Variants in PMEPA1 observed in about 807,000 individuals in gnomAD.
PMEPA1 encodes prostate transmembrane protein, androgen induced 1.
A neutral mutation model predicts 23.0 loss-of-function variants in PMEPA1; 11 were observed. The ratio of observed to expected loss-of-function variants is 0.48; its 90% CI spans 0.30 to 0.79. PMEPA1 has a LOEUF of 0.79. Among genes scored for constraint, PMEPA1 ranks in the 30% least tolerant of loss-of-function variants. The pLI, the probability that PMEPA1 is intolerant of heterozygous loss-of-function variation, is 0.06. For synonymous variants in PMEPA1, 204 were observed against 166.4 expected (o/e 1.23, Z -1.74); for missense variants, 377 against 390.9 (o/e 0.96, Z 0.30).
intron 2 of PMEPA1, among the ~76,000 whole-genome samples, chr20:57,654,454 C>T (rs2071297777): frequency 6.6e-6 from 1 of 152,036 alleles, no homozygotes; most frequent in Non-Finnish European, 1.5e-5. Context: ...CCCATATGGC[C>T]ACTAGGAGGC....
chr20:57,685,607 G>A (rs1445747035), intron 1 of PMEPA1, among the ~76,000 whole-genome samples: 1 of 152,160 alleles, frequency 6.6e-6, no homozygotes, highest in Non-Finnish European at 1.5e-5. Context: ...TGGCTGGGGG[G>A]AGGGGGCTGG....
chr20:57,695,127 G>A (rs1327249261), intron 1 of PMEPA1, among the ~76,000 whole-genome samples: 4 of 152,258 alleles, frequency 2.6e-5, no homozygotes, highest in Non-Finnish European at 4.4e-5. Context: ...GGCGTTTGCC[G>A]CCTCTGAGTA....
upstream of PMEPA1, chr20:57,711,155 T>G (rs1394449060): frequency 6.6e-6 from 1 of 152,190 alleles, no homozygotes; most frequent in East Asian, 1.9e-4. Flanking sequence ...ATTCTTTAAG[T>G]GTCCACATAT....
At chr20:57,696,867 G>A (rs1486759138) in intron 1 of PMEPA1, among the ~76,000 whole-genome samples, 1 of 152,224 alleles carries the variant, frequency 6.6e-6, no homozygotes, top group Non-Finnish European at 1.5e-5. Context: ...AGGCCTCTGT[G>A]CACATTTCCG....
At chr20:57,684,132 C>T (rs1053250012) in intron 1 of PMEPA1, among the ~76,000 whole-genome samples, 1 of 152,196 alleles carries the variant, frequency 6.6e-6, no homozygotes, top group Non-Finnish European at 1.5e-5. Flanking sequence ...GCTGCCCACG[C>T]CTGACTCCCC....
intron 1 of PMEPA1, among the ~76,000 whole-genome samples, chr20:57,677,974 T>A (rs2071661079): frequency 6.6e-6 from 1 of 152,222 alleles, no homozygotes; most frequent in Non-Finnish European, 1.5e-5. Context: ...TATGACTCCA[T>A]TTCTATAACA....
intron 1 of PMEPA1, among the ~76,000 whole-genome samples, chr20:57,686,195 C>T (rs2071799210): frequency 6.6e-6 from 1 of 152,172 alleles, no homozygotes; most frequent in South Asian, 2.1e-4. Flanking sequence ...GGGTGGTTCT[C>T]CTAAATGGGG....
At chr20:57,686,034 G>A (rs905397188) in intron 1 of PMEPA1, among the ~76,000 whole-genome samples, 1 of 152,136 alleles carries the variant, frequency 6.6e-6, no homozygotes, top group African/African-American at 2.4e-5. Flanking sequence ...CACACTCAGG[G>A]TGACACCCAA....
intron 1 of PMEPA1, among the ~76,000 whole-genome samples, chr20:57,708,372 G>A (rs2072116607): frequency 6.6e-6 from 1 of 152,230 alleles, no homozygotes; most frequent in Admixed American, 6.5e-5. Context: ...GTGTAGGCTA[G>A]AAGCTAGAAG....
In PMEPA1 at chr20:57,669,851, T is replaced by C. The variant is rs140295508; in HGVS notation, c.110-10154A>G. ...TGCAATCTCAGCATTTTGGAGCACA[T>C]ATAATTATATTTATAGTAAAAGAGG... On this transcript the variant is annotated intron_variant, in intron 1 of 3. Transcript: ENST00000341744. Among the ~76,000 whole-genome samples, 237 of 151,220 alleles carry C rather than the reference T, an allele frequency of 1.6e-3. 1 individual carries two copies. The highest frequency in any genetic ancestry group is 5.5e-3 in the African/African-American group (226 of 41,032).
rs1442043189 is a variant in PMEPA1 at position 57,655,337 on chromosome 20, T to C, written c.265-2251A>G. On this transcript the variant is annotated intron_variant, in intron 2 of 3. Coordinates refer to ENST00000341744, the MANE Select transcript of PMEPA1 (RefSeq NM_020182.5). The surrounding 1 kb of genome is among the most constrained non-coding windows in gnomAD (Gnocchi z 4.2). Reference sequence around the variant, plus strand: ...GGGTCAGGCACCTCCTCCCATCTCCTCCAGTCCCCTCCTGCACCACAGCCT... The same window carrying C: ...GGGTCAGGCACCTCCTCCCATCTCCCCCAGTCCCCTCCTGCACCACAGCCT... Among the ~76,000 whole-genome samples, 1 of 152,034 alleles carries C rather than the reference T, an allele frequency of 6.6e-6. No homozygotes were observed. The highest frequency in any genetic ancestry group is 1.5e-5 in the Non-Finnish European group (1 of 68,000).
Position 57,708,662 on chromosome 20 carries a change from G to T in PMEPA1, c.109+812C>A, listed in dbSNP as rs550859582. On this transcript the variant is annotated intron_variant, in intron 1 of 3. Transcript: ENST00000341744. ...CTGTCCAGACAGAGGCTATTTATAGGTGCGTCGGGGACACAGACACTGGCA... is the reference window on the plus strand; with the variant it reads ...CTGTCCAGACAGAGGCTATTTATAGTTGCGTCGGGGACACAGACACTGGCA... Among the ~76,000 whole-genome samples the T allele has an allele frequency of 4.1e-4, 63 of 152,234 alleles. 1 individual carries two copies. Among genetic ancestry groups the T allele is most frequent in the African/African-American group, 1.5e-3 (63 of 41,524 alleles).
chr20:57,676,214 G>T (rs912352237), intron 1 of PMEPA1, among the ~76,000 whole-genome samples: 8 of 152,248 alleles, frequency 5.3e-5, no homozygotes, highest in African/African-American at 1.9e-4. Flanking sequence ...CCTGCTGTAT[G>T]TGTGGTGTCT....
In PMEPA1 at chr20:57,652,736, G is replaced by A. The variant is rs2071268525; in HGVS notation, c.319-138C>T. On this transcript the variant is annotated intron_variant, in intron 3 of 3. Transcript: ENST00000341744. The surrounding 1 kb of genome is among the most constrained non-coding windows in gnomAD (Gnocchi z 6.1). ...AGAGGGCAGCAGGGCTGGCGGGGGCGGGAGCCCAGAGCCTGATCCCGCGGG... is the reference window on the plus strand; with the variant it reads ...AGAGGGCAGCAGGGCTGGCGGGGGCAGGAGCCCAGAGCCTGATCCCGCGGG... 5 of 839,340 alleles carry A rather than the reference G, an allele frequency of 6.0e-6. No individual in the cohort carries two copies. The highest frequency in any genetic ancestry group is 2.9e-5 in the Admixed American group (1 of 34,124). 52.0% of individuals were successfully genotyped at this position (839,340 alleles called of 1,614,324 possible).
intron 1 of PMEPA1, among the ~76,000 whole-genome samples, chr20:57,672,946 G>A (rs1475316565): frequency 1.3e-5 from 2 of 152,198 alleles, no homozygotes; most frequent in African/African-American, 4.8e-5. Context: ...ACCCACGCAC[G>A]GGTTGCTGTG....
At chr20:57,661,355 G>C (rs1206183623) in intron 1 of PMEPA1, among the ~76,000 whole-genome samples, 1 of 152,194 alleles carries the variant, frequency 6.6e-6, no homozygotes, top group African/African-American at 2.4e-5. Flanking sequence ...GAGTTGACAC[G>C]GCAGAGTGGG....
chr20:57,709,775 C>T lies in PMEPA1; in HGVS notation c.-193G>A. On this transcript the variant is annotated 5_prime_UTR_variant, in exon 1 of 4. Coordinates refer to ENST00000341744, the MANE Select transcript of PMEPA1 (RefSeq NM_020182.5). ...GCTCAGTGCGCGGGACCGCGCTCCGCTGCGCCCCCCCGGCCTCCCCTCGGC... is the reference window on the plus strand; with the variant it reads ...GCTCAGTGCGCGGGACCGCGCTCCGTTGCGCCCCCCCGGCCTCCCCTCGGC... 1 of 981,770 alleles carries T rather than the reference C, an allele frequency of 1.0e-6. No homozygotes were observed. Among genetic ancestry groups the T allele is most frequent in the Non-Finnish European group, 1.2e-6 (1 of 828,202 alleles). 60.8% of individuals were successfully genotyped at this position (981,770 alleles called of 1,614,324 possible).
intron 1 of PMEPA1, among the ~76,000 whole-genome samples, chr20:57,705,031 T>C (rs1377628985): frequency 6.6e-6 from 1 of 152,200 alleles, no homozygotes; most frequent in Non-Finnish European, 1.5e-5. Context: ...CCTCCTTTTC[T>C]TCTTACATGC....
rs6070205 is a variant in PMEPA1 at position 57,655,081 on chromosome 20, G to A, written c.265-1995C>T. On this transcript the variant is annotated intron_variant, in intron 2 of 3. Transcript: ENST00000341744. This position sits in a 1 kb window ranked among gnomAD's most constrained non-coding sequence, Gnocchi z 4.2. ...CGTAGTATAGCTGTTTCCTTTAACG[G>A]GTTTTCCTATCTGTATAGCGGGCTG... 0.099 allele frequency among the ~76,000 whole-genome samples: 15,080 copies of A among 152,142 alleles called. 1,477 individuals carry two copies. The highest frequency in any genetic ancestry group is 0.25 in the African/African-American group (10,527 of 41,440).
Sources: allele counts gnomAD v4.1 joint callset (sites outside exome capture counted in the v4.1 genomes callset), GRCh38; gene constraint gnomAD v4.1.1; non-coding constraint Gnocchi (gnomAD v3.1); transcripts MANE v1.5; gene names NCBI Gene and HGNC (gene_info 2026-07-23, HGNC 2026-07-21).